Variants in FSCN2 observed in about 807,000 individuals in gnomAD.
FSCN2 encodes the protein fascin-2.
Under a neutral mutation model 37.8 loss-of-function variants are expected in FSCN2, and 46 were observed. The ratio of observed to expected loss-of-function variants is 1.22; its 90% CI spans 0.96 to 1.56. The LOEUF (loss-of-function observed/expected upper bound fraction) is 1.56, where lower values mean the gene tolerates loss of function less well. Ranked by LOEUF, FSCN2 falls within the 40% of genes most tolerant of loss-of-function variation. FSCN2 has a pLI of 0.00. For synonymous variants in FSCN2, 351 were observed against 309.4 expected, an observed-to-expected ratio of 1.13 and a Z score of -1.41; for missense variants, 844 against 730.4, an observed-to-expected ratio of 1.16 and a Z score of -1.79.
At chr17:81,526,506 C>G (rs2032356544), upstream of FSCN2, among the ~76,000 whole-genome samples, 1 of 152,210 alleles carries the variant, frequency 6.6e-6, no homozygotes. Flanking sequence ...TAGCAAGTGC[C>G]TGTAATCCCA....
intron 2 of FSCN2, among the ~76,000 whole-genome samples, chr17:81,535,932 C>T (rs971886561): frequency 1.3e-5 from 2 of 150,652 alleles, no homozygotes; most frequent in African/African-American, 4.9e-5. Flanking sequence ...CACCATCACT[C>T]CCACCACCAT....
At chr17:81,522,620 G>A in the FSCN2 span, among the ~76,000 whole-genome samples, 1 of 152,264 alleles carries the variant, frequency 6.6e-6, no homozygotes, top group Non-Finnish European at 1.5e-5. Context: ...ACTTGCGGGT[G>A]GACGTGGCAT....
At chr17:81,520,286 T>A in the FSCN2 span, among the ~76,000 whole-genome samples, 8 of 151,914 alleles carry the variant, frequency 5.3e-5, no homozygotes, top group African/African-American at 1.7e-4. Context: ...GAGGTGACCC[T>A]GAAGGTGGAG....
At position 81,529,351 on chromosome 17, in the gene FSCN2, C is replaced by T. The variant is rs372368597; in HGVS notation, c.820C>T (p.Arg274Trp). The change falls in exon 1 of 5, where the codon CGG becomes TGG. Residue 274 changes from arginine (R) to tryptophan (W), a missense_variant. Arg to Trp is a moderately radical substitution (Grantham distance 101). Transcript: ENST00000417245. Reference sequence around the variant, plus strand: ...TGCCAACCACCGCTACGTCTCTGTGCGGCAAGGTAGGGAGGGCACAGGTGG... The same window carrying T: ...TGCCAACCACCGCTACGTCTCTGTGTGGCAAGGTAGGGAGGGCACAGGTGG... The part of the protein sequence containing the change: ...VAANHRYVSV[R>W]QGVNVSANQD... 3.9e-5 allele frequency: 60 copies of T among 1,540,888 alleles called. No individual in the cohort carries two copies. The highest frequency in any genetic ancestry group is 1.5e-4 in the South Asian group (12 of 78,558).
Position 81,536,254 on chromosome 17 carries a change from C to G in FSCN2, c.1092C>G (p.Ile364Met). The G allele has an allele frequency of 6.2e-7, 1 of 1,600,010 alleles. No homozygotes were observed. The highest frequency in any genetic ancestry group is 8.5e-7 in the Non-Finnish European group (1 of 1,174,246). ...AGAAGAATGGGCAGCTGGCGGCTAT[C>G]AGCGATTTTGTCGGTGAGCACTCTG... ...CMKKNGQLAAISDFVGKDEEF... is the reference protein window; with the variant it reads ...CMKKNGQLAAMSDFVGKDEEF... The change falls in exon 3 of 5, where the codon ATC (isoleucine) becomes ATG (methionine). Residue 364 changes from isoleucine (I) to methionine (M), a missense_variant. Physicochemically the swap from Ile to Met is conservative, Grantham distance 10. Transcript: ENST00000417245.
chr17:81,521,798 G>A, the FSCN2 span, among the ~76,000 whole-genome samples: 1 of 152,172 alleles, frequency 6.6e-6, no homozygotes, highest in Non-Finnish European at 1.5e-5. Flanking sequence ...TTTAGGGTGT[G>A]TTTCCTAAGA....
At chr17:81,533,603 A>G (rs952352243) in intron 1 of FSCN2, among the ~76,000 whole-genome samples, 3 of 151,240 alleles carry the variant, frequency 2.0e-5, no homozygotes, top group Non-Finnish European at 4.4e-5. Context: ...TCATAGGAGT[A>G]AGAAAACTTC....
chr17:81,517,702 G>A, the FSCN2 span, among the ~76,000 whole-genome samples: 2 of 152,026 alleles, frequency 1.3e-5, no homozygotes, highest in Non-Finnish European at 2.9e-5. Flanking sequence ...GCCGCACGGA[G>A]TGGGGAGGGT....
Position 81,537,103 on chromosome 17 carries a change from C to A in FSCN2, c.*23C>A. 3 of 1,396,722 alleles carry A rather than the reference C, an allele frequency of 2.1e-6. No homozygotes were observed. The South Asian group carries it at 4.7e-5, about 22-fold the overall frequency. The allele number at this position is 1,396,722 out of a possible 1,614,324, so 86.5% of individuals were successfully genotyped here. The stretch of plus-strand genomic sequence containing the variant: ...TGAGGCCGCGCCCAGACCAGCCTGT[C>A]GCGCATTAAAACCGTGTCTCTCCCG... On this transcript the variant is annotated 3_prime_UTR_variant, in exon 5 of 5. Coordinates refer to ENST00000417245, the MANE Select transcript of FSCN2 (RefSeq NM_012418.4).
rs372813558 is a variant in FSCN2, at chr17:81,536,003, C to G, written c.984-143C>G. The G allele has an allele frequency of 9.1e-4, 911 of 1,004,406 alleles. 12 individuals carry two copies. In the South Asian group the frequency reaches 0.014, roughly 15 times the overall value. The allele number at this position is 1,004,406 out of a possible 1,614,324, so 62.2% of individuals were successfully genotyped here. ...AGTCAGAAAGGAAAGCCCACTGGGG[C>G]AGGGTAGCGCCTGATGGTGGTGGGT... On this transcript the variant is annotated intron_variant, in intron 2 of 4. Coordinates refer to ENST00000417245, the MANE Select transcript of FSCN2 (RefSeq NM_012418.4).
chr17:81,515,435 G>C, the FSCN2 span, among the ~76,000 whole-genome samples: 2 of 152,246 alleles, frequency 1.3e-5, no homozygotes, highest in Non-Finnish European at 2.9e-5. Flanking sequence ...TTTCAGGAAG[G>C]GAGACTTGGG....
At chr17:81,529,547 G>C (rs781870812) in intron 1 of FSCN2, 190 bp downstream of exon 1, 5 of 762,406 alleles carry the variant, frequency 6.6e-6, no homozygotes, top group Non-Finnish European at 1.2e-5. Context: ...GCCATGCCCA[G>C]GCGACCCCCA....
chr17:81,535,668 CCCA>C (rs1568082208), intron 2 of FSCN2, among the ~76,000 whole-genome samples: 4 of 5,626 alleles, frequency 7.1e-4, no homozygotes, highest in Non-Finnish European at 1.4e-3. Flanking sequence ...CATCTCCATC[CCCA>C]CCATCCCCAT....
chr17:81,524,216 G>T (rs1555669786), upstream of FSCN2, among the ~76,000 whole-genome samples: 5 of 152,140 alleles, frequency 3.3e-5, no homozygotes, highest in Non-Finnish European at 5.9e-5. Context: ...CACTGAGAGG[G>T]ATGGAGGCCG....
rs1265622098 is a variant in FSCN2 at position 81,536,720 on chromosome 17, C to G, written c.1204C>G (p.Leu402Val). Reference protein sequence around the residue: ...FVCHHRGSNQLDTNRSVYDVF... With the variant: ...FVCHHRGSNQVDTNRSVYDVF... Reference sequence around the variant, plus strand: ...CTGCCACCACCGCGGCTCCAACCAGCTGGACACCAACCGCTCCGTCTACGA... The same window carrying G: ...CTGCCACCACCGCGGCTCCAACCAGGTGGACACCAACCGCTCCGTCTACGA... The change falls in exon 4 of 5, where the codon CTG (leucine) becomes GTG (valine). Residue 402 changes from leucine to valine, a missense_variant. Transcript: ENST00000417245. The G allele has an allele frequency of 1.2e-6, 2 of 1,611,262 alleles. No homozygotes were observed. The highest frequency in any genetic ancestry group is 1.3e-5 in the African/African-American group (1 of 74,902).
In FSCN2 at chr17:81,531,372, GTGGTGA is replaced by G. The variant is rs1568077270; in HGVS notation, c.826+2021_826+2026del. Among the ~76,000 whole-genome samples the G allele has an allele frequency of 1.2e-4, 8 of 66,784 alleles. No individual in the cohort carries two copies. The East Asian group carries it at 1.3e-3, about 11-fold the overall frequency. 43.8% of individuals were successfully genotyped at this position (66,784 alleles called of 152,430 possible). A position where few individuals can be genotyped will look rare whatever the true frequency, so the allele number is the denominator to read the frequency against. On this transcript the variant is annotated intron_variant, in intron 1 of 4. Coordinates refer to ENST00000417245, the MANE Select transcript of FSCN2 (RefSeq NM_012418.4). ...GATGATGGTGATGGTGATGATGGTG[GTGGTGA>G]TGGTGGTGATGGTGATGATGGTGAT...
rs398123553 is a variant in FSCN2, at chr17:81,537,026, C to A, written c.1425C>A (p.Gly475=). Residue 475 remains glycine (G), a synonymous_variant, in exon 5 of 5, where the codon GGC becomes GGA. Transcript: ENST00000417245. The stretch of plus-strand genomic sequence containing the variant: ...AGTACCTGCGCGGCGGCGCCTCGGG[C>A]CTGCTGCGGGCCGATGCCGACGCCC... ...SGKYLRGGAS[G]LLRADADAPA... 1,258 of 1,498,134 alleles carry A rather than the reference C, an allele frequency of 8.4e-4. 19 individuals carry two copies. The African/African-American group carries it at 0.016, about 19-fold the overall frequency. 92.8% of individuals were successfully genotyped at this position (1,498,134 alleles called of 1,614,324 possible).
the FSCN2 span, among the ~76,000 whole-genome samples, chr17:81,516,685 C>T: frequency 6.6e-6 from 1 of 152,354 alleles, no homozygotes; most frequent in African/African-American, 2.4e-5. Flanking sequence ...TGTCTCCTGG[C>T]TGGTGCCCAG....
chr17:81,525,153 C>A (rs570062018), upstream of FSCN2, among the ~76,000 whole-genome samples: 1 of 151,884 alleles, frequency 6.6e-6, no homozygotes, highest in African/African-American at 2.4e-5. Flanking sequence ...CGGCCAGGCA[C>A]GGTGGCTCAC....
Sources: allele counts gnomAD v4.1 joint callset (sites outside exome capture counted in the v4.1 genomes callset), GRCh38; gene constraint gnomAD v4.1.1; transcripts MANE v1.5; gene names NCBI Gene and HGNC (gene_info 2026-07-23, HGNC 2026-07-21).